Variants in MAP4K4 observed in about 807,000 individuals in gnomAD.
MAP4K4 encodes mitogen-activated protein kinase kinase kinase kinase 4, also known as HPK/GCK-like kinase HGK.
Under a neutral mutation model 189.6 loss-of-function variants are expected in MAP4K4, and 38 were observed. The observed-to-expected ratio is 0.20, with a 90% CI of 0.15 to 0.26. The LOEUF is 0.26. Ranked by LOEUF, MAP4K4 falls within the 10% of genes least tolerant of loss-of-function variation. MAP4K4 has a pLI of 1.00. For synonymous variants in MAP4K4, 610 were observed against 624.3 expected (o/e 0.98, Z 0.34); for missense variants, 1,054 against 1,726.9 (o/e 0.61, Z 6.91).
chr2:101,774,727 T>C (rs925546958), intron 2 of MAP4K4, among the ~76,000 whole-genome samples: 2 of 152,178 alleles, frequency 1.3e-5, no homozygotes, highest in African/African-American at 2.4e-5. Flanking sequence ...TGTATAGTTT[T>C]AACATGTATA....
At chr2:101,720,599 C>T (rs893581569) in intron 2 of MAP4K4, among the ~76,000 whole-genome samples, 1 of 152,172 alleles carries the variant, frequency 6.6e-6, no homozygotes, top group Non-Finnish European at 1.5e-5. Flanking sequence ...ATTTTTGCCT[C>T]AGATGATTAG....
At chr2:101,794,491 T>G (rs1267385361) in intron 3 of MAP4K4, among the ~76,000 whole-genome samples, 4 of 152,226 alleles carry the variant, frequency 2.6e-5, no homozygotes, top group African/African-American at 4.8e-5. Flanking sequence ...GTTGAAAGAA[T>G]GAACACTCTC....
At chr2:101,837,115 T>TG in intron 9 of MAP4K4, among the ~76,000 whole-genome samples, 1 of 151,022 alleles carries the variant, frequency 6.6e-6, no homozygotes, top group East Asian at 1.9e-4. Context: ...TTTTTTTTTT[T>TG]GAAACAGTTC....
At chr2:101,860,944 C>T (rs747769665) in exon 16 of MAP4K4, 15 of 1,603,682 alleles carry the variant, frequency 9.4e-6, no homozygotes, top group East Asian at 2.2e-5. Context: ...ATGGCAACTC[C>T]GAGTCTGTGC....
At chr2:101,799,227 A>G (rs537868948) in intron 3 of MAP4K4, among the ~76,000 whole-genome samples, 37 of 152,370 alleles carry the variant, frequency 2.4e-4, no homozygotes, top group African/African-American at 8.9e-4. Context: ...CATCTGTAAA[A>G]TGGAATAATG....
At chr2:101,795,108 G>A (rs1018331563) in intron 3 of MAP4K4, among the ~76,000 whole-genome samples, 1 of 152,154 alleles carries the variant, frequency 6.6e-6, no homozygotes, top group Admixed American at 6.5e-5. Context: ...CCCATTATTA[G>A]TGAAGCCAAG....
intron 11 of MAP4K4, 135 bp from the exon 12 acceptor site, chr2:101,843,966 G>GTATT: frequency 1.6e-6 from 1 of 618,666 alleles, no homozygotes; most frequent in Non-Finnish European, 2.9e-6. Context: ...TTCTGTGGAT[G>GTATT]TATTAGTTGT....
intron 2 of MAP4K4, among the ~76,000 whole-genome samples, chr2:101,720,614 C>T (rs530123155): frequency 1.3e-5 from 2 of 152,306 alleles, no homozygotes; most frequent in South Asian, 4.1e-4. Context: ...GATTAGAGGA[C>T]ACTCTGGGTT....
chr2:101,874,225 T>G, exon 26 of MAP4K4: 1 of 1,611,360 alleles, frequency 6.2e-7, no homozygotes, highest in Non-Finnish European at 8.5e-7. Context: ...GAGGTTTAAC[T>G]CTGAGATTCT....
chr2:101,780,071 AC>A (rs1294562371), intron 2 of MAP4K4, among the ~76,000 whole-genome samples: 1 of 152,236 alleles, frequency 6.6e-6, no homozygotes, highest in Non-Finnish European at 1.5e-5. Flanking sequence ...AAAGCTGCTT[AC>A]AGTTGACTTT....
At chr2:101,835,496 CTG>C (rs1353634131) in intron 8 of MAP4K4, among the ~76,000 whole-genome samples, 1 of 152,192 alleles carries the variant, frequency 6.6e-6, no homozygotes, top group East Asian at 1.9e-4. Context: ...GAGGGCCTAA[CTG>C]TGCTCATTCT....
At chr2:101,721,786 G>A (rs1435051949) in intron 2 of MAP4K4, among the ~76,000 whole-genome samples, 1 of 152,148 alleles carries the variant, frequency 6.6e-6, no homozygotes, top group Non-Finnish European at 1.5e-5. Flanking sequence ...TCAGAAGGAG[G>A]TGGTAATTGG....
At chr2:101,745,852 T>C (rs1208817224) in intron 2 of MAP4K4, among the ~76,000 whole-genome samples, 4 of 152,054 alleles carry the variant, frequency 2.6e-5, no homozygotes, top group African/African-American at 9.7e-5. Context: ...TTTTTTTTTT[T>C]TTCCTTTGAG....
intron 27 of MAP4K4, 28 bp downstream of exon 27, chr2:101,877,174 A>G: frequency 6.2e-7 from 1 of 1,610,996 alleles, no homozygotes. Context: ...AAACCAGAAT[A>G]TGTGACACCA....
intron 28 of MAP4K4, 76 bp downstream of exon 28, chr2:101,882,761 A>G: frequency 7.2e-7 from 1 of 1,392,802 alleles, no homozygotes; most frequent in South Asian, 1.5e-5. Context: ...AAATTTTCAC[A>G]GGTTTTTTGA....
chr2:101,720,522 T>G (rs934313150), intron 2 of MAP4K4, among the ~76,000 whole-genome samples: 1 of 151,996 alleles, frequency 6.6e-6, no homozygotes. Flanking sequence ...AAGGACCCAG[T>G]GAGGTGGAGG....
intron 27 of MAP4K4, among the ~76,000 whole-genome samples, chr2:101,880,314 T>G (rs1038703911): frequency 6.6e-6 from 1 of 152,238 alleles, no homozygotes; most frequent in Admixed American, 6.5e-5. Context: ...GAATCTGCTT[T>G]ACAGCTTTGT....
chr2:101,803,604 C>G (rs1419566059), intron 3 of MAP4K4, among the ~76,000 whole-genome samples: 2 of 152,064 alleles, frequency 1.3e-5, no homozygotes, highest in Admixed American at 6.6e-5. Flanking sequence ...CCTAATTTGT[C>G]CATATGATAA....
At chr2:101,873,899 T>C in intron 25 of MAP4K4, 135 bp downstream of exon 25, 1 of 780,616 alleles carries the variant, frequency 1.3e-6, no homozygotes, top group Non-Finnish European at 2.0e-6. Flanking sequence ...CCCAGTTGTA[T>C]GCCTTATTTG....
Sources: allele counts gnomAD v4.1 joint callset (sites outside exome capture counted in the v4.1 genomes callset), GRCh38; gene constraint gnomAD v4.1.1; transcripts MANE v1.5; gene names NCBI Gene and HGNC (gene_info 2026-07-23, HGNC 2026-07-21).